RIMS1: variants seen among roughly 807,000 people sequenced by gnomAD.
The protein encoded by RIMS1 is regulating synaptic membrane exocytosis protein 1.
A neutral mutation model predicts 214.1 loss-of-function variants in RIMS1; 83 were observed. That is an observed-to-expected ratio of 0.39 (90% CI 0.32 to 0.47). The LOEUF (loss-of-function observed/expected upper bound fraction) is 0.47, where lower values mean the gene tolerates loss of function less well. Among genes scored for constraint, RIMS1 ranks in the 20% least tolerant of loss-of-function variants. The probability of loss-of-function intolerance (pLI) is 0.99; values close to 1 mark genes in which losing one functional copy is unlikely to be tolerated. For synonymous variants in RIMS1, 793 were observed against 786.8 expected (o/e 1.01, Z -0.13); for missense variants, 2,050 against 2,161.8 (o/e 0.95, Z 1.03).
chr6:72,316,014 T>C (rs1345840833), intron 28 of RIMS1, among the ~76,000 whole-genome samples: 1 of 151,832 alleles, frequency 6.6e-6, no homozygotes, highest in Non-Finnish European at 1.5e-5. Flanking sequence ...TATTTACATA[T>C]AAGTTGTAAT....
At chr6:71,982,964 A>C (rs144938733) in intron 2 of RIMS1, among the ~76,000 whole-genome samples, 16 of 151,910 alleles carry the variant, frequency 1.1e-4, no homozygotes, top group Admixed American at 2.0e-4. Context: ...AATATTCCCT[A>C]CTCATTGAAG....
chr6:72,325,495 A>C (rs182546630), intron 28 of RIMS1, among the ~76,000 whole-genome samples: 3 of 151,284 alleles, frequency 2.0e-5, no homozygotes, highest in Non-Finnish European at 4.4e-5. Context: ...AATTTTGCAG[A>C]GTCACTGGGT....
In RIMS1 at chr6:72,183,041, A is replaced by G. The variant is rs2048572165; in HGVS notation, c.1570A>G (p.Lys524Glu). The G allele has an allele frequency of 6.3e-7, 1 of 1,599,548 alleles. No individual in the cohort carries two copies. The change falls in exon 6 of 34, where the codon AAG becomes GAG. Residue 524 changes from lysine (K) to glutamate (E), a missense_variant. By Grantham distance (56) the Lys-to-Glu change is moderately conservative. Coordinates refer to ENST00000521978, the MANE Select transcript of RIMS1 (RefSeq NM_014989.7). ...GCCGCACCGGTCCAAGAGAGGCGGC[A>G]AGAAGCGGCAGATGTCGGTGAGCAG... is the stretch of plus-strand genomic sequence containing the variant. ...PKPHRSKRGG[K>E]KRQMSVSSSE...
At chr6:72,278,809 C>T (rs2088278501) in intron 23 of RIMS1, among the ~76,000 whole-genome samples, 1 of 152,002 alleles carries the variant, frequency 6.6e-6, no homozygotes, top group South Asian at 2.1e-4. Flanking sequence ...AGGAACATCT[C>T]TTATTTAGGT....
chr6:72,133,031 C>T (rs1049168200), intron 4 of RIMS1, among the ~76,000 whole-genome samples: 6 of 152,118 alleles, frequency 3.9e-5, no homozygotes, highest in Admixed American at 3.9e-4. Flanking sequence ...CACAATTGCT[C>T]CAGGCCATGC....
At chr6:72,056,267 G>A (rs559721821) in intron 2 of RIMS1, among the ~76,000 whole-genome samples, 1 of 152,140 alleles carries the variant, frequency 6.6e-6, no homozygotes, top group Non-Finnish European at 1.5e-5. Context: ...ACTTGAGGAT[G>A]GAGGGTGGGA....
At chr6:72,379,716 G>A (rs780905317) in intron 29 of RIMS1, among the ~76,000 whole-genome samples, 3 of 152,178 alleles carry the variant, frequency 2.0e-5, no homozygotes, top group East Asian at 1.9e-4. Context: ...AACCCTATGA[G>A]CTAGGTATTT....
intron 2 of RIMS1, among the ~76,000 whole-genome samples, chr6:71,995,495 T>C (rs986824119): frequency 6.6e-6 from 1 of 151,706 alleles, no homozygotes; most frequent in East Asian, 1.9e-4. Flanking sequence ...TGTTTGTGTC[T>C]GGGTCTGTCT....
chr6:72,390,632 G>A lies in RIMS1; in HGVS notation c.4401G>A (p.Gln1467=). The A allele has an allele frequency of 1.2e-6, 2 of 1,613,790 alleles. No individual in the cohort carries two copies. Among genetic ancestry groups the A allele is most frequent in the Non-Finnish European group, 1.7e-6 (2 of 1,179,794 alleles). ...SGHKKLKSTI[Q]RSTETGMAAE... is the part of the protein sequence containing the mutation. Reference sequence around the variant, plus strand: ...ACAAAAAGTTAAAAAGTACCATCCAGAGAAGCACAGAAACAGGCATGGCAG... The same window carrying A: ...ACAAAAAGTTAAAAAGTACCATCCAAAGAAGCACAGAAACAGGCATGGCAG... Residue 1467 remains glutamine, a synonymous_variant, in exon 30 of 34, where the codon CAG becomes CAA. Coordinates refer to ENST00000521978, the MANE Select transcript of RIMS1 (RefSeq NM_014989.7).
At chr6:71,957,821 A>G (rs1791737896) in intron 1 of RIMS1, among the ~76,000 whole-genome samples, 2 of 145,780 alleles carry the variant, frequency 1.4e-5, no homozygotes, top group South Asian at 4.1e-4. Flanking sequence ...GTCAGCCTTT[A>G]TTATAGTATT....
intron 4 of RIMS1, among the ~76,000 whole-genome samples, chr6:72,128,710 T>G (rs2039986465): frequency 6.6e-6 from 1 of 152,242 alleles, no homozygotes; most frequent in African/African-American, 2.4e-5. Context: ...TGAATGTGAC[T>G]TTAAAAATCC....
intron 6 of RIMS1, among the ~76,000 whole-genome samples, chr6:72,192,703 C>A: frequency 6.6e-6 from 1 of 152,186 alleles, no homozygotes; most frequent in East Asian, 1.9e-4. Context: ...CTATGCCCAC[C>A]TTGCCTTTGA....
chr6:71,951,492 T>TTTTTTTG (rs1162341760), intron 1 of RIMS1, among the ~76,000 whole-genome samples: 3,343 of 116,938 alleles, frequency 0.029, 59 homozygotes, highest in East Asian at 0.11. Flanking sequence ...TTTTTTTTTT[T>TTTTTTTG]TGTGTGTGTG....
chr6:72,311,130 G>C (rs9442766), intron 27 of RIMS1, among the ~76,000 whole-genome samples: 1,593 of 152,184 alleles, frequency 0.01, 31 homozygotes, highest in African/African-American at 0.037. Context: ...GGGAGCATTT[G>C]CTCTGGGTAT....
chr6:72,003,839 T>C (rs1806270968), intron 2 of RIMS1, among the ~76,000 whole-genome samples: 1 of 151,880 alleles, frequency 6.6e-6, no homozygotes, highest in Admixed American at 6.6e-5. Flanking sequence ...CTAAAGATCA[T>C]TTTTCTTTTT....
At chr6:72,298,833 A>T (rs1008775980) in intron 26 of RIMS1, among the ~76,000 whole-genome samples, 1 of 149,906 alleles carries the variant, frequency 6.7e-6, no homozygotes, top group African/African-American at 2.4e-5. Context: ...TGCTCCTCCA[A>T]TTGCCATACA....
intron 4 of RIMS1, among the ~76,000 whole-genome samples, chr6:72,118,976 C>A (rs187050906): frequency 5.9e-5 from 9 of 151,406 alleles, no homozygotes; most frequent in Non-Finnish European, 1.3e-4. Context: ...CTGGCCAGAC[C>A]AATCAGACAA....
chr6:72,051,961 A>G (rs1239052302), intron 2 of RIMS1, among the ~76,000 whole-genome samples: 1 of 152,168 alleles, frequency 6.6e-6, no homozygotes, highest in Non-Finnish European at 1.5e-5. Flanking sequence ...TTAGTGGTGG[A>G]TTCAAACAAG....
chr6:71,928,069 T>C (rs983278831), intron 1 of RIMS1, among the ~76,000 whole-genome samples: 1 of 152,128 alleles, frequency 6.6e-6, no homozygotes, highest in Non-Finnish European at 1.5e-5. Flanking sequence ...GAGCAATATG[T>C]TAGTGTACGA....
Sources: gnomAD v4.1 joint callset for allele counts (sites outside exome capture counted in the v4.1 genomes callset) on GRCh38, gnomAD v4.1.1 for gene constraint, MANE v1.5 for transcripts, NCBI Gene and HGNC (gene_info 2026-07-23, HGNC 2026-07-21) for gene names.